Variants in CNTNAP2 observed in about 807,000 individuals in gnomAD.
CNTNAP2 encodes contactin-associated protein-like 2.
CNTNAP2 carries 98 observed loss-of-function variants against 155.2 expected under a neutral mutation model. The observed-to-expected ratio is 0.63, with a 90% CI of 0.54 to 0.75. The LOEUF (loss-of-function observed/expected upper bound fraction) is 0.75, where lower values mean the gene tolerates loss of function less well. Ranked by LOEUF, CNTNAP2 falls within the 30% of genes least tolerant of loss-of-function variation. The pLI, the probability that CNTNAP2 is intolerant of heterozygous loss-of-function variation, is 0.00. For synonymous variants in CNTNAP2, 651 were observed against 631.2 expected (o/e 1.03, Z -0.47); for missense variants, 1,727 against 1,688.1 (o/e 1.02, Z -0.40).
chr7:146,405,262 TTTG>T (rs1217600726), intron 1 of CNTNAP2, among the ~76,000 whole-genome samples: 1 of 152,134 alleles, frequency 6.6e-6, no homozygotes, highest in Non-Finnish European at 1.5e-5. Context: ...CATTTTTAAG[TTTG>T]TTGACTTGGG....
At chr7:147,436,774 T>A (rs1041284476) in intron 10 of CNTNAP2, among the ~76,000 whole-genome samples, 19 of 152,296 alleles carry the variant, frequency 1.2e-4, no homozygotes, top group Admixed American at 6.5e-5. Flanking sequence ...CAGGAGGTAG[T>A]TTTACAACTT....
intron 8 of CNTNAP2, among the ~76,000 whole-genome samples, chr7:147,232,374 C>CA (rs1803700480): frequency 6.6e-6 from 1 of 152,138 alleles, no homozygotes; most frequent in South Asian, 2.1e-4. Context: ...CACAAGACTG[C>CA]AAACAGCCAA....
At chr7:148,275,628 A>C (rs1796857512) in intron 21 of CNTNAP2, among the ~76,000 whole-genome samples, 1 of 152,216 alleles carries the variant, frequency 6.6e-6, no homozygotes, top group African/African-American at 2.4e-5. Context: ...GCTGGCAGCA[A>C]GTGCTGGCTG....
At chr7:146,916,899 G>A (rs1479227613) in intron 3 of CNTNAP2, among the ~76,000 whole-genome samples, 1 of 152,066 alleles carries the variant, frequency 6.6e-6, no homozygotes, top group Non-Finnish European at 1.5e-5. Flanking sequence ...GCCTCCTTGA[G>A]GTGTGACCTT....
At chr7:147,018,486 G>A (rs913230046) in intron 3 of CNTNAP2, among the ~76,000 whole-genome samples, 1 of 152,048 alleles carries the variant, frequency 6.6e-6, no homozygotes, top group African/African-American at 2.4e-5. Context: ...TGACTGGTTT[G>A]GATGGGGAAA....
At chr7:147,072,711 A>G (rs1799917005) in intron 4 of CNTNAP2, among the ~76,000 whole-genome samples, 1 of 152,140 alleles carries the variant, frequency 6.6e-6, no homozygotes, top group African/African-American at 2.4e-5. Context: ...TTTACCTGGT[A>G]TTGGGCAATA....
intron 13 of CNTNAP2, among the ~76,000 whole-genome samples, chr7:147,754,104 C>T (rs375899253): frequency 6.6e-6 from 1 of 152,012 alleles, no homozygotes. Context: ...GACCTAGAAG[C>T]CAGATTAAAG....
At chr7:148,153,881 G>C (rs923465638) in intron 17 of CNTNAP2, among the ~76,000 whole-genome samples, 1 of 152,216 alleles carries the variant, frequency 6.6e-6, no homozygotes, top group African/African-American at 2.4e-5. Context: ...GACAGGGTTA[G>C]CATGCAGCAA....
chr7:146,839,902 T>G lies in CNTNAP2; in HGVS notation c.400T>G (p.Trp134Gly), dbSNP rs139694086. The G allele has an allele frequency of 2.5e-4, 410 of 1,614,004 alleles. No homozygotes were observed. Among genetic ancestry groups the G allele is most frequent in the Non-Finnish European group, 2.9e-4 (337 of 1,180,020 alleles). Residue 134 changes from tryptophan (W) to glycine (G), a missense_variant and splice_region_variant, in exon 3 of 24, where the codon TGG (tryptophan) becomes GGG (glycine). Coordinates refer to ENST00000361727, the MANE Select transcript of CNTNAP2 (RefSeq NM_014141.6). The part of the protein sequence containing the change: ...WKPYHQDGNI[W>G]AFPGNINSDG... ...ACCCTATCATCAAGATGGGAATATC[T>G]GGGTAAGTCATTGGCAGGAAAGCAA...
intron 15 of CNTNAP2, among the ~76,000 whole-genome samples, chr7:148,076,423 T>A (rs982822452): frequency 3.5e-5 from 2 of 56,350 alleles, no homozygotes; most frequent in Admixed American, 1.9e-4. Context: ...CTCTGACTTC[T>A]TTTTTTTTTT....
intron 3 of CNTNAP2, among the ~76,000 whole-genome samples, chr7:146,876,213 T>C (rs1795425271): frequency 6.6e-6 from 1 of 152,060 alleles, no homozygotes; most frequent in Admixed American, 6.6e-5. Context: ...AAATCTATTC[T>C]TGCATCACCT....
At chr7:146,873,546 C>T (rs577316267) in intron 3 of CNTNAP2, among the ~76,000 whole-genome samples, 4 of 151,980 alleles carry the variant, frequency 2.6e-5, no homozygotes, top group Admixed American at 6.6e-5. Flanking sequence ...GATTCAGAGG[C>T]TGCACAGTGA....
intron 1 of CNTNAP2, among the ~76,000 whole-genome samples, chr7:146,402,547 C>T (rs185265497): frequency 3.4e-4 from 51 of 152,212 alleles, no homozygotes; most frequent in Non-Finnish European, 6.9e-4. Context: ...CAGTAACACT[C>T]TAATTATATC....
intron 17 of CNTNAP2, among the ~76,000 whole-genome samples, chr7:148,171,664 T>C (rs1448206952): frequency 1.3e-5 from 2 of 152,238 alleles, no homozygotes; most frequent in Non-Finnish European, 2.9e-5. Context: ...AAATGTGGTA[T>C]AGCTGATTTC....
intron 10 of CNTNAP2, among the ~76,000 whole-genome samples, chr7:147,456,955 T>G (rs1797926846): frequency 6.6e-6 from 1 of 152,196 alleles, no homozygotes; most frequent in Non-Finnish European, 1.5e-5. Context: ...CTATAGAAAT[T>G]GTGGTCAATA....
intron 8 of CNTNAP2, among the ~76,000 whole-genome samples, chr7:147,230,698 A>G (rs1372722613): frequency 6.6e-6 from 1 of 152,238 alleles, no homozygotes; most frequent in African/African-American, 2.4e-5. Flanking sequence ...GAACTTGTTC[A>G]TCTTATAACT....
chr7:147,260,177 C>A (rs1013422474), intron 8 of CNTNAP2, among the ~76,000 whole-genome samples: 1 of 152,206 alleles, frequency 6.6e-6, no homozygotes, highest in Non-Finnish European at 1.5e-5. Context: ...CTTTACTATT[C>A]ATGGCTTCCT....
intron 1 of CNTNAP2, among the ~76,000 whole-genome samples, chr7:146,656,681 C>T (rs11561896): frequency 0.042 from 6,369 of 152,206 alleles, 167 homozygotes; most frequent in African/African-American, 0.047. Flanking sequence ...GACTTTACCT[C>T]TCAGATCTCT....
chr7:147,117,435 C>G (rs1322327301), intron 5 of CNTNAP2, among the ~76,000 whole-genome samples: 1 of 152,084 alleles, frequency 6.6e-6, no homozygotes, highest in Non-Finnish European at 1.5e-5. Context: ...AGGCTGTAGC[C>G]CCATCCTGCT....
Sources: gnomAD v4.1 joint callset for allele counts (sites outside exome capture counted in the v4.1 genomes callset) on GRCh38, gnomAD v4.1.1 for gene constraint, MANE v1.5 for transcripts, NCBI Gene and HGNC (gene_info 2026-07-23, HGNC 2026-07-21) for gene names.